Variants in ZNF440 observed in about 807,000 individuals in gnomAD.
ZNF440 encodes the protein zinc finger protein 440.
Under a neutral mutation model 49.7 loss-of-function variants are expected in ZNF440, and 47 were observed. The ratio of observed to expected loss-of-function variants is 0.95; its 90% CI spans 0.75 to 1.21. The LOEUF is 1.21. Among genes scored for constraint, ZNF440 ranks in the 50% most tolerant of loss-of-function variants. ZNF440 has a pLI of 0.00. For missense variants in ZNF440, 703 were observed against 715.0 expected (o/e 0.98, Z 0.19); for synonymous variants, 255 against 237.7 (o/e 1.07, Z -0.67).
rs879459868 is a variant in ZNF440 at position 11,834,129 on chromosome 19, C to CT, written c.*1176dup. 5,419 of 256,844 alleles carry CT rather than the reference C, an allele frequency of 0.021. No individual in the cohort carries two copies. The highest frequency in any genetic ancestry group is 0.032 in the East Asian group (422 of 13,340). The allele number at this position is 256,844 out of a possible 1,614,324, so 15.9% of individuals were successfully genotyped here. A position where few individuals can be genotyped will look rare whatever the true frequency, so the allele number is the denominator to read the frequency against. On this transcript the variant is annotated 3_prime_UTR_variant, in exon 4 of 4. Transcript: ENST00000304060. The stretch of plus-strand genomic sequence containing the variant: ...TTTATCTCAACCTTAATTTTTCTTT[C>CT]TTTTTTTTTTTCCCCCAGAAAGAAT...
At chr19:11,818,388 T>G (rs1179478338) in intron 1 of ZNF440, among the ~76,000 whole-genome samples, 2 of 151,778 alleles carry the variant, frequency 1.3e-5, no homozygotes, top group Non-Finnish European at 2.9e-5. Context: ...TGGCAAGGAG[T>G]GTTTCTTGTT....
chr19:11,831,356 C>G lies in ZNF440; in HGVS notation c.192-12C>G, dbSNP rs1270412445. 2 of 1,597,410 alleles carry G rather than the reference C, an allele frequency of 1.3e-6. No homozygotes were observed. Among genetic ancestry groups the G allele is most frequent in the Non-Finnish European group, 1.7e-6 (2 of 1,176,092 alleles). ...AACAAACCCTTCATAATATGCTTCT[C>G]ATTTTTGACAGGAGTCTCATAGAAG... On this transcript the variant is annotated splice_polypyrimidine_tract_variant and intron_variant, in intron 3 of 3. Transcript: ENST00000304060.
At position 11,832,477 on chromosome 19, in the gene ZNF440, G is replaced by A. The variant is rs1975961255; in HGVS notation, c.1301G>A (p.Arg434Lys). 1 of 1,613,722 alleles carries A rather than the reference G, an allele frequency of 6.2e-7. No homozygotes were observed. The highest frequency in any genetic ancestry group is 8.5e-7 in the Non-Finnish European group (1 of 1,179,952). Residue 434 changes from arginine (R) to lysine (K), a missense_variant, in exon 4 of 4, where the codon AGA (arginine) becomes AAA (lysine). Arg to Lys is a conservative substitution (Grantham distance 26). Transcript: ENST00000304060. Reference sequence around the variant, plus strand: ...TGTAAGGAATGTGGGAAAGCCTTCAGATATGTGAATAACCTTCAAAGTCAT... The same window carrying A: ...TGTAAGGAATGTGGGAAAGCCTTCAAATATGTGAATAACCTTCAAAGTCAT... The part of the protein sequence containing the change: ...YECKECGKAF[R>K]YVNNLQSHER...
Position 11,832,102 on chromosome 19 carries a change from A to G in ZNF440, c.926A>G (p.Lys309Arg). The G allele has an allele frequency of 3.1e-6, 5 of 1,614,190 alleles. No homozygotes were observed. Among genetic ancestry groups the G allele is most frequent in the Non-Finnish European group, 4.2e-6 (5 of 1,180,006 alleles). The stretch of plus-strand genomic sequence containing the variant: ...ATACATGAAAGGACCCACTCTAGGA[A>G]AAATCTCTATGAATGTAAGCAGTGT... Reference protein sequence around the residue: ...VRIHERTHSRKNLYECKQCGK... With the variant: ...VRIHERTHSRRNLYECKQCGK... Residue 309 changes from lysine (K) to arginine (R), a missense_variant, in exon 4 of 4, where the codon AAA becomes AGA. Physicochemically the swap from Lys to Arg is conservative, Grantham distance 26. Transcript: ENST00000304060.
intron 1 of ZNF440, among the ~76,000 whole-genome samples, chr19:11,824,656 CCA>C (rs927149227): frequency 6.6e-6 from 1 of 151,380 alleles, no homozygotes; most frequent in Non-Finnish European, 1.5e-5. Flanking sequence ...GGCAGATAAT[CCA>C]CAGAGTTCCA....
At chr19:11,824,523 T>A (rs1975838870) in intron 1 of ZNF440, among the ~76,000 whole-genome samples, 1 of 152,190 alleles carries the variant, frequency 6.6e-6, no homozygotes, top group African/African-American at 2.4e-5. Context: ...AACCGATATG[T>A]GATATTTTAT....
At chr19:11,826,295 G>T (rs1317195663) in intron 1 of ZNF440, among the ~76,000 whole-genome samples, 1 of 152,022 alleles carries the variant, frequency 6.6e-6, no homozygotes, top group African/African-American at 2.4e-5. Context: ...GAACAGCCTG[G>T]TAGATACCGT....
intron 1 of ZNF440, among the ~76,000 whole-genome samples, chr19:11,821,371 C>T (rs1415749240): frequency 6.6e-6 from 1 of 152,162 alleles, no homozygotes; most frequent in Non-Finnish European, 1.5e-5. Context: ...GCCAACCCCT[C>T]GAGATGCTCA....
chr19:11,832,581 T>G lies in ZNF440; in HGVS notation c.1405T>G (p.Cys469Gly), dbSNP rs749396702. 6.2e-7 allele frequency: 1 copy of G among 1,613,660 alleles called. No individual in the cohort carries two copies. The highest frequency in any genetic ancestry group is 8.5e-7 in the Non-Finnish European group (1 of 1,179,930). ...TAAGATATGTGGGAAAGGCTTTTAT[T>G]GTCCCAAATCATTTCAAAGACATGA... ...KCKICGKGFY[C>G]PKSFQRHEKT... The change falls in exon 4 of 4, where the codon TGT (cysteine) becomes GGT (glycine). Residue 469 changes from cysteine to glycine, a missense_variant. Coordinates refer to ENST00000304060, the MANE Select transcript of ZNF440 (RefSeq NM_152357.3).
chr19:11,827,137 C>T (rs1225979013), intron 1 of ZNF440, among the ~76,000 whole-genome samples: 7 of 150,750 alleles, frequency 4.6e-5, no homozygotes, highest in Admixed American at 2.6e-4. Context: ...AATCTTGGCT[C>T]ACTGCAACCT....
Position 11,832,245 on chromosome 19 carries a change from A to G in ZNF440, c.1069A>G (p.Arg357Gly). The G allele has an allele frequency of 1.2e-6, 2 of 1,614,074 alleles. No homozygotes were observed. The highest frequency in any genetic ancestry group is 1.7e-6 in the Non-Finnish European group (2 of 1,179,994). ...CTTTTGTTCTGTGAATTCATTTCAA[A>G]GACATGAAAAAATTCACAGTGGAGA... ...KDFCSVNSFQ[R>G]HEKIHSGEKP... is the part of the protein sequence containing the mutation. Residue 357 changes from arginine (R) to glycine (G), a missense_variant, in exon 4 of 4, where the codon AGA becomes GGA. Transcript: ENST00000304060.
chr19:11,814,435 TG>T lies in ZNF440; in HGVS notation c.-11del. The T allele has an allele frequency of 6.4e-7, 1 of 1,556,356 alleles. No individual in the cohort carries two copies. Among genetic ancestry groups the T allele is most frequent in the South Asian group, 1.2e-5 (1 of 84,872 alleles). ...CCACGCAGAGGACGCCGGAACACCC[TG>T]GAAGCCGAGAAATGGTGTGTGTGAG... On this transcript the variant is annotated 5_prime_UTR_variant, in exon 1 of 4. Transcript: ENST00000304060.
chr19:11,830,320 C>T lies in ZNF440; in HGVS notation c.41C>T (p.Thr14Ile), dbSNP rs370096249. 924 of 1,614,142 alleles carry T rather than the reference C, an allele frequency of 5.7e-4. 13 individuals are homozygous for T. The South Asian group carries it at 9.6e-3, about 17-fold the overall frequency. ...VAFKDVAVNF[T>I]QEEWALLDIS... is the part of the protein sequence containing the mutation. Reference sequence around the variant, plus strand: ...TTTAAGGATGTGGCTGTGAACTTCACCCAGGAGGAGTGGGCTTTGCTGGAT... The same window carrying T: ...TTTAAGGATGTGGCTGTGAACTTCATCCAGGAGGAGTGGGCTTTGCTGGAT... The change falls in exon 2 of 4, where the codon ACC becomes ATC. Residue 14 changes from threonine (T) to isoleucine (I), a missense_variant. Transcript: ENST00000304060.
chr19:11,829,173 C>T (rs554941123), intron 1 of ZNF440, among the ~76,000 whole-genome samples: 40 of 152,060 alleles, frequency 2.6e-4, no homozygotes, highest in African/African-American at 9.4e-4. Context: ...TTCTTGTTTG[C>T]CCTCTTGTGT....
chr19:11,825,446 A>T (rs1443939864), intron 1 of ZNF440, among the ~76,000 whole-genome samples: 1 of 142,948 alleles, frequency 7.0e-6, no homozygotes, highest in African/African-American at 2.9e-5. Flanking sequence ...CCTTCTAATC[A>T]TACCTCTCCC....
At chr19:11,825,817 C>CTTTTTTTTTTT (rs74180041) in intron 1 of ZNF440, among the ~76,000 whole-genome samples, 1 of 131,460 alleles carries the variant, frequency 7.6e-6, no homozygotes, top group Admixed American at 7.8e-5. Context: ...CTTTTCTTTT[C>CTTTTTTTTTTT]TTTTTTTTTT....
At chr19:11,819,677 G>A (rs1975775426) in intron 1 of ZNF440, among the ~76,000 whole-genome samples, 1 of 152,228 alleles carries the variant, frequency 6.6e-6, no homozygotes, top group Admixed American at 6.5e-5. Flanking sequence ...TGGGATTACA[G>A]GAGTGAGCCA....
chr19:11,822,707 C>G (rs537890649), intron 1 of ZNF440, among the ~76,000 whole-genome samples: 4 of 151,964 alleles, frequency 2.6e-5, no homozygotes, highest in Admixed American at 2.6e-4. Flanking sequence ...ATTAGCCAAG[C>G]GTGGTGGTAC....
At chr19:11,819,619 C>G (rs534078050) in intron 1 of ZNF440, among the ~76,000 whole-genome samples, 5 of 152,160 alleles carry the variant, frequency 3.3e-5, no homozygotes, top group Non-Finnish European at 7.3e-5. Flanking sequence ...AGGCTGGCCT[C>G]GAACTCCTGG....
Sources: gnomAD v4.1 joint callset for allele counts (sites outside exome capture counted in the v4.1 genomes callset) on GRCh38, gnomAD v4.1.1 for gene constraint, MANE v1.5 for transcripts, NCBI Gene and HGNC (gene_info 2026-07-23, HGNC 2026-07-21) for gene names.